Variants in NCAM2 observed in about 807,000 individuals in gnomAD.
NCAM2 encodes neural cell adhesion molecule 2, also known as N-CAM-2.
NCAM2 carries 30 observed loss-of-function variants against 98.1 expected under a neutral mutation model. The ratio of observed to expected loss-of-function variants is 0.31; its 90% CI spans 0.23 to 0.41. NCAM2 has a LOEUF of 0.41. NCAM2 is among the 10% of genes least tolerant of loss of function. The pLI is 1.00. For missense variants in NCAM2, 867 were observed against 1,005.8 expected (o/e 0.86, Z 1.87); for synonymous variants, 368 against 342.4 (o/e 1.07, Z -0.83).
At chr21:21,403,299 T>C (rs2076670825) in intron 9 of NCAM2, among the ~76,000 whole-genome samples, 1 of 152,194 alleles carries the variant, frequency 6.6e-6, no homozygotes, top group South Asian at 2.1e-4. Context: ...GTTGCAGTTA[T>C]ATAACAATAT....
Position 21,526,760 on chromosome 21 carries a change from G to A in NCAM2, c.2283-7777G>A, listed in dbSNP as rs1989347026. The stretch of plus-strand genomic sequence containing the variant: ...ACGATAAACAAGACTTTGTGATATT[G>A]GCCAAAGAGTAAACAAATAAATTAA... On this transcript the variant is annotated intron_variant, in intron 16 of 17. Coordinates refer to ENST00000400546, the MANE Select transcript of NCAM2 (RefSeq NM_004540.5). 2.6e-5 allele frequency among the ~76,000 whole-genome samples: 4 copies of A among 152,018 alleles called. No individual in the cohort carries two copies. In the South Asian group the frequency reaches 8.3e-4, roughly 32 times the overall value.
At chr21:21,250,901 A>C (rs1364017073) in intron 1 of NCAM2, among the ~76,000 whole-genome samples, 1 of 152,210 alleles carries the variant, frequency 6.6e-6, no homozygotes, top group East Asian at 1.9e-4. Context: ...AGTTTTGATC[A>C]GAGATGTTCC....
At chr21:21,085,982 TTTAAC>T (rs2065898877) in intron 1 of NCAM2, among the ~76,000 whole-genome samples, 2 of 152,192 alleles carry the variant, frequency 1.3e-5, no homozygotes, top group Admixed American at 1.3e-4. Flanking sequence ...GTCTTTCAGA[TTTAAC>T]TTAATGTGCT....
At chr21:21,236,045 A>T (rs2070806746) in intron 1 of NCAM2, among the ~76,000 whole-genome samples, 1 of 152,022 alleles carries the variant, frequency 6.6e-6, no homozygotes, top group Non-Finnish European at 1.5e-5. Context: ...TAACTCATGG[A>T]ATGACCAGGG....
chr21:21,074,150 T>C (rs1018052541), intron 1 of NCAM2, among the ~76,000 whole-genome samples: 1 of 152,122 alleles, frequency 6.6e-6, no homozygotes, highest in Non-Finnish European at 1.5e-5. Flanking sequence ...AATATCCCTT[T>C]AGAAAAATTT....
At chr21:21,377,814 T>C (rs927569502) in intron 9 of NCAM2, among the ~76,000 whole-genome samples, 2 of 151,838 alleles carry the variant, frequency 1.3e-5, no homozygotes, top group African/African-American at 4.8e-5. Flanking sequence ...TACCCTTTGA[T>C]CAATAACTCC....
At chr21:21,174,948 C>T (rs943861339) in intron 1 of NCAM2, among the ~76,000 whole-genome samples, 3 of 151,788 alleles carry the variant, frequency 2.0e-5, no homozygotes, top group African/African-American at 4.8e-5. Context: ...CATAATAATA[C>T]CGTAAATCAA....
chr21:21,467,294 A>C (rs960152269), intron 13 of NCAM2, among the ~76,000 whole-genome samples: 8 of 150,820 alleles, frequency 5.3e-5, no homozygotes, highest in East Asian at 1.9e-4. Flanking sequence ...ATGTTAAATA[A>C]ATTACTTTAA....
intron 1 of NCAM2, among the ~76,000 whole-genome samples, chr21:21,169,812 G>A (rs115148623): frequency 7.6e-4 from 116 of 152,086 alleles, no homozygotes; most frequent in African/African-American, 2.6e-3. Context: ...ATAAAAAGTA[G>A]CCTGATGTGG....
chr21:21,118,869 A>G (rs1464568205), intron 1 of NCAM2, among the ~76,000 whole-genome samples: 1 of 152,138 alleles, frequency 6.6e-6, no homozygotes, highest in Non-Finnish European at 1.5e-5. Context: ...CAGTGTTTTC[A>G]GGTGACTGTG....
chr21:21,471,253 T>C (rs1022571775), intron 14 of NCAM2, among the ~76,000 whole-genome samples: 4 of 152,006 alleles, frequency 2.6e-5, no homozygotes, highest in African/African-American at 9.7e-5. Flanking sequence ...AAATACTCTA[T>C]ATATCCCTAT....
intron 1 of NCAM2, among the ~76,000 whole-genome samples, chr21:21,232,113 G>A (rs1395462395): frequency 6.6e-6 from 1 of 151,432 alleles, no homozygotes; most frequent in East Asian, 1.9e-4. Context: ...GAACTCTGAT[G>A]ATACTTGACT....
intron 8 of NCAM2, among the ~76,000 whole-genome samples, chr21:21,356,487 T>C (rs232480): frequency 0.36 from 54,970 of 151,916 alleles, 10,169 homozygotes; most frequent in East Asian, 0.58. Flanking sequence ...GATTACATTA[T>C]ATTTTTTGTT....
intron 1 of NCAM2, among the ~76,000 whole-genome samples, chr21:21,146,041 G>T (rs1354821125): frequency 6.6e-6 from 1 of 152,046 alleles, no homozygotes; most frequent in Admixed American, 6.6e-5. Context: ...AGAGAAACAC[G>T]TTTTTTGACA....
At chr21:21,388,980 C>T (rs182010665) in intron 9 of NCAM2, among the ~76,000 whole-genome samples, 4 of 152,268 alleles carry the variant, frequency 2.6e-5, no homozygotes, top group East Asian at 1.9e-4. Flanking sequence ...ATCCATGCTA[C>T]ATTCTAATGC....
At chr21:21,179,664 T>G (rs2146900263) in intron 1 of NCAM2, among the ~76,000 whole-genome samples, 1 of 152,350 alleles carries the variant, frequency 6.6e-6, no homozygotes, top group South Asian at 2.1e-4. Context: ...ATTTACTTCC[T>G]TATAGAAGTA....
intron 14 of NCAM2, among the ~76,000 whole-genome samples, chr21:21,473,658 A>G (rs1475680893): frequency 2.0e-5 from 3 of 151,986 alleles, no homozygotes; most frequent in East Asian, 3.9e-4. Flanking sequence ...TGTTCAGTTT[A>G]TATTTAAAAT....
At chr21:21,182,867 C>T (rs933020488) in intron 1 of NCAM2, among the ~76,000 whole-genome samples, 2 of 152,142 alleles carry the variant, frequency 1.3e-5, no homozygotes, top group African/African-American at 4.8e-5. Context: ...TCGTTTTAGT[C>T]ACTTACTCAA....
chr21:21,346,444 A>T (rs2075191594), intron 8 of NCAM2, among the ~76,000 whole-genome samples: 1 of 152,100 alleles, frequency 6.6e-6, no homozygotes, highest in Admixed American at 6.6e-5. Flanking sequence ...TGGAGACTTC[A>T]ACACCCAACT....
Sources: allele counts gnomAD v4.1 joint callset (sites outside exome capture counted in the v4.1 genomes callset), GRCh38; gene constraint gnomAD v4.1.1; transcripts MANE v1.5; gene names NCBI Gene and HGNC (gene_info 2026-07-23, HGNC 2026-07-21).